The following PPFIA1 variants were observed in gnomAD, a reference collection of about 807,000 sequenced individuals.
PPFIA1 encodes the protein liprin-alpha-1.
Under a neutral mutation model 149.9 loss-of-function variants are expected in PPFIA1, and 25 were observed. The observed-to-expected ratio is 0.17, with a 90% CI of 0.12 to 0.23. The LOEUF is 0.23. Ranked by LOEUF, PPFIA1 falls within the 10% of genes least tolerant of loss-of-function variation. The probability of loss-of-function intolerance (pLI) is 1.00; values close to 1 mark genes in which losing one functional copy is unlikely to be tolerated. For missense variants in PPFIA1, 1,362 were observed against 1,506.5 expected, an observed-to-expected ratio of 0.90 and a Z score of 1.59; for synonymous variants, 549 against 552.8, an observed-to-expected ratio of 0.99 and a Z score of 0.10.
intron 21 of PPFIA1, among the ~76,000 whole-genome samples, chr11:70,366,432 T>TA (rs879283454): frequency 1.3e-5 from 2 of 152,238 alleles, no homozygotes; most frequent in Admixed American, 1.3e-4. Flanking sequence ...TATGTCCACT[T>TA]AAAGATTTTC....
chr11:70,280,304 C>T (rs2050678452), intron 2 of PPFIA1, among the ~76,000 whole-genome samples: 1 of 151,698 alleles, frequency 6.6e-6, no homozygotes, highest in Non-Finnish European at 1.5e-5. Context: ...TGCAGTGGCT[C>T]ACGCCTGTAA....
chr11:70,289,501 C>A (rs1020986536), intron 2 of PPFIA1, among the ~76,000 whole-genome samples: 2 of 152,032 alleles, frequency 1.3e-5, no homozygotes, highest in Admixed American at 1.3e-4. Context: ...TACAAACAAC[C>A]CTTCGAATGA....
At chr11:70,370,874 A>G (rs536998998) in intron 21 of PPFIA1, among the ~76,000 whole-genome samples, 1 of 152,286 alleles carries the variant, frequency 6.6e-6, no homozygotes, top group East Asian at 1.9e-4. Flanking sequence ...TCACGCCTGT[A>G]ATCCTAGCGG....
intron 2 of PPFIA1, among the ~76,000 whole-genome samples, chr11:70,295,492 C>A (rs2051882966): frequency 7.4e-6 from 1 of 135,828 alleles, no homozygotes; most frequent in African/African-American, 2.8e-5. Flanking sequence ...GACGGGGCGG[C>A]TGGCCGGGTG....
intron 17 of PPFIA1, among the ~76,000 whole-genome samples, chr11:70,355,150 G>A (rs1427520415): frequency 7.9e-5 from 12 of 152,124 alleles, no homozygotes; most frequent in Non-Finnish European, 1.5e-4. Context: ...TAATCTGCCC[G>A]CCTCGGCCTC....
Position 70,326,351 on chromosome 11 carries a change from C to G in PPFIA1, c.696C>G (p.Ser232Arg), listed in dbSNP as rs141458298. The stretch of plus-strand genomic sequence containing the variant: ...ACCATGAACAAGAAAATACACCAAG[C>G]ACGAGTGGAAAGGCAAGTCTGTAGG... ...DINHEQENTP[S>R]TSGKRSSDGS... Residue 232 changes from serine (S) to arginine (R), a missense_variant, in exon 6 of 28, where the codon AGC becomes AGG. Ser to Arg is a moderately radical substitution (Grantham distance 110, BLOSUM62 -1). Coordinates refer to ENST00000253925, the MANE Select transcript of PPFIA1 (RefSeq NM_003626.5). The G allele has an allele frequency of 2.5e-6, 4 of 1,599,562 alleles. No individual in the cohort carries two copies. Among genetic ancestry groups the G allele is most frequent in the African/African-American group, 2.7e-5 (2 of 74,334 alleles).
At chr11:70,318,935 C>A (rs2136673536) in intron 2 of PPFIA1, among the ~76,000 whole-genome samples, 1 of 152,340 alleles carries the variant, frequency 6.6e-6, no homozygotes, top group East Asian at 1.9e-4. Flanking sequence ...TCTCTTCTCA[C>A]CCTCCACCCA....
At chr11:70,365,885 G>A (rs1373796003) in intron 21 of PPFIA1, 2 of 452,564 alleles carry the variant, frequency 4.4e-6, no homozygotes, top group Non-Finnish European at 8.9e-6. Flanking sequence ...CTGCATTACC[G>A]AGCTCACCAA....
intron 2 of PPFIA1, among the ~76,000 whole-genome samples, chr11:70,277,477 T>C (rs1432315703): frequency 6.6e-6 from 1 of 152,042 alleles, no homozygotes; most frequent in Admixed American, 6.6e-5. Flanking sequence ...GGATTATATT[T>C]CTTGTTTTTT....
intron 2 of PPFIA1, among the ~76,000 whole-genome samples, chr11:70,324,113 T>G (rs1179006144): frequency 6.6e-6 from 1 of 152,188 alleles, no homozygotes; most frequent in Non-Finnish European, 1.5e-5. Flanking sequence ...CAGGAAAATG[T>G]TTTGGACTTC....
chr11:70,372,123 A>G (rs1182211148), intron 21 of PPFIA1, 92 bp from the exon 22 acceptor site: 4 of 1,117,840 alleles, frequency 3.6e-6, no homozygotes, highest in Non-Finnish European at 3.7e-6. Context: ...CTTTGAGAAT[A>G]TAGGTAATAG....
chr11:70,339,177 C>T lies in PPFIA1; in HGVS notation c.1578C>T (p.Pro526=). 6.2e-7 allele frequency: 1 copy of T among 1,613,458 alleles called. No individual in the cohort carries two copies. Among genetic ancestry groups the T allele is most frequent in the Non-Finnish European group, 8.5e-7 (1 of 1,179,922 alleles). The change falls in exon 14 of 28, where the codon CCC becomes CCT. Residue 526 remains proline (P), a synonymous_variant. Transcript: ENST00000253925. ...LRGASLHHGR[P]HLGSVPDFRF... ...CTTATTTTTCATGTTTCAGCCGACCCCACTTGGGCAGTGTCCCAGATTTCA... is the reference window on the plus strand; with the variant it reads ...CTTATTTTTCATGTTTCAGCCGACCTCACTTGGGCAGTGTCCCAGATTTCA...
At chr11:70,374,032 G>A (rs1468877815) in intron 23 of PPFIA1, 2 of 152,124 alleles carry the variant, frequency 1.3e-5, no homozygotes, top group Admixed American at 1.3e-4. Flanking sequence ...TTTTTAGAGT[G>A]GCTATTTTTA....
chr11:70,378,259 A>G (rs2057566659), intron 26 of PPFIA1, 64 bp downstream of exon 26: 1 of 1,554,012 alleles, frequency 6.4e-7, no homozygotes, highest in Non-Finnish European at 8.7e-7. Flanking sequence ...TGTCTGGAAC[A>G]TTAATAATGA....
intron 19 of PPFIA1, among the ~76,000 whole-genome samples, chr11:70,357,627 C>T (rs1475981325): frequency 6.6e-6 from 1 of 150,500 alleles, no homozygotes; most frequent in Non-Finnish European, 1.5e-5. Context: ...CGCTCTGTCA[C>T]CCACGCTGGA....
intron 10 of PPFIA1, among the ~76,000 whole-genome samples, chr11:70,334,074 A>T (rs1020129179): frequency 6.6e-6 from 1 of 152,214 alleles, no homozygotes; most frequent in African/African-American, 2.4e-5. Flanking sequence ...TACAATAAAA[A>T]GCACTAGGAA....
intron 2 of PPFIA1, among the ~76,000 whole-genome samples, chr11:70,295,144 C>T (rs1281209210): frequency 4.0e-5 from 6 of 151,720 alleles, no homozygotes; most frequent in Non-Finnish European, 5.9e-5. Flanking sequence ...GGCAGAGGCG[C>T]TCCTCACCTC....
At chr11:70,372,597 A>G (rs1266279315) in intron 23 of PPFIA1, 23 bp downstream of exon 23, 7 of 1,574,352 alleles carry the variant, frequency 4.4e-6, no homozygotes, top group Non-Finnish European at 6.1e-6. Context: ...CATTTAATTG[A>G]TTCGGTTTAC....
At chr11:70,366,073 T>G (rs1754535390) in intron 21 of PPFIA1, 1 of 413,866 alleles carries the variant, frequency 2.4e-6, no homozygotes, top group Non-Finnish European at 4.8e-6. Flanking sequence ...TATAGCATCT[T>G]AGTTTATTCG....
Sources: allele counts gnomAD v4.1 joint callset (sites outside exome capture counted in the v4.1 genomes callset), GRCh38; gene constraint gnomAD v4.1.1; transcripts MANE v1.5; gene names NCBI Gene and HGNC (gene_info 2026-07-23, HGNC 2026-07-21).